Variants in B3GAT2 observed in about 807,000 individuals in gnomAD.
The protein encoded by B3GAT2 is galactosylgalactosylxylosylprotein 3-beta-glucuronosyltransferase 2.
B3GAT2 carries 26 observed loss-of-function variants against 27.8 expected under a neutral mutation model. The ratio of observed to expected loss-of-function variants is 0.93; its 90% CI spans 0.68 to 1.30. B3GAT2 has a LOEUF of 1.30. Among genes scored for constraint, B3GAT2 ranks in the 50% most tolerant of loss-of-function variants. The pLI is 0.00. For synonymous variants in B3GAT2, 218 were observed against 195.1 expected (o/e 1.12, Z -0.98); for missense variants, 458 against 459.0 (o/e 1.00, Z 0.02).
Position 70,926,819 on chromosome 6 carries a change from C to T in B3GAT2, c.591+29020G>A, listed in dbSNP as rs541512164. Among the ~76,000 whole-genome samples, 185 of 152,268 alleles carry T rather than the reference C, an allele frequency of 1.2e-3. 2 individuals carry two copies. Among genetic ancestry groups the T allele is most frequent in the African/African-American group, 4.3e-3 (179 of 41,540 alleles). The stretch of plus-strand genomic sequence containing the variant: ...GGCCAACATTCAAATTCAGGAAATA[C>T]ACAGAACGCCACAAAGATACTCCTC... On this transcript the variant is annotated intron_variant, in intron 1 of 3. Coordinates refer to ENST00000230053, the MANE Select transcript of B3GAT2 (RefSeq NM_080742.3).
rs764758181 is a variant in B3GAT2 at position 70,956,336 on chromosome 6, G to A, written c.94C>T (p.Pro32Ser). 5.1e-6 allele frequency: 8 copies of A among 1,574,538 alleles called. No homozygotes were observed. Among genetic ancestry groups the A allele is most frequent in the South Asian group, 4.6e-5 (4 of 86,882 alleles). ...MLDVDTRRPV[P>S]PLTPRPYFSP... ...AAGTAGGGGCGCGGGGTGAGCGGGG[G>A]CACTGGCCTGCGCGTGTCCACGTCG... The change falls in exon 1 of 4, where the codon CCC (proline) becomes TCC (serine). Residue 32 changes from proline (P) to serine (S), a missense_variant. Pro to Ser is a moderately conservative substitution (Grantham distance 74). Coordinates refer to ENST00000230053, the MANE Select transcript of B3GAT2 (RefSeq NM_080742.3).
intron 2 of B3GAT2, among the ~76,000 whole-genome samples, chr6:70,867,764 A>G (rs1411221049): frequency 1.3e-5 from 2 of 152,172 alleles, no homozygotes; most frequent in Non-Finnish European, 2.9e-5. Context: ...GCAATTCTAC[A>G]TGAATTTTTC....
intron 1 of B3GAT2, among the ~76,000 whole-genome samples, chr6:70,919,312 T>C (rs1048774979): frequency 1.3e-5 from 2 of 152,224 alleles, no homozygotes; most frequent in Non-Finnish European, 2.9e-5. Flanking sequence ...TAGCATTTTT[T>C]CAAGGTTTTT....
chr6:70,943,874 T>C (rs1162125454), intron 1 of B3GAT2, among the ~76,000 whole-genome samples: 1 of 152,098 alleles, frequency 6.6e-6, no homozygotes. Flanking sequence ...ATTTAGAAGA[T>C]CAACTGCAAC....
rs539712508 is a variant in B3GAT2, at chr6:70,894,533, C to T, written c.592-261G>A. ...AAAATGGTTGTCAATATCTGGACAT[C>T]GCTGATTTGAAGCTAAGTTGCAACT... On this transcript the variant is annotated intron_variant, in intron 1 of 3. Coordinates refer to ENST00000230053, the MANE Select transcript of B3GAT2 (RefSeq NM_080742.3). Among the ~76,000 whole-genome samples the T allele has an allele frequency of 6.9e-4, 105 of 152,272 alleles. 2 individuals carry two copies. The South Asian group carries it at 0.021, about 31-fold the overall frequency.
chr6:70,920,105 C>T (rs549829525), intron 1 of B3GAT2, among the ~76,000 whole-genome samples: 10 of 151,782 alleles, frequency 6.6e-5, no homozygotes, highest in East Asian at 1.9e-4. Flanking sequence ...AGCATAGAAC[C>T]GCTTACTCAA....
chr6:70,937,292 G>C (rs1275127826), intron 1 of B3GAT2, among the ~76,000 whole-genome samples: 5 of 151,098 alleles, frequency 3.3e-5, no homozygotes, highest in African/African-American at 1.2e-4. Context: ...TCCAGGACCA[G>C]ATGGATTCAC....
In B3GAT2 at chr6:70,918,801, G is replaced by A. The variant is rs577366643; in HGVS notation, c.592-24529C>T. On this transcript the variant is annotated intron_variant, in intron 1 of 3. Coordinates refer to ENST00000230053, the MANE Select transcript of B3GAT2 (RefSeq NM_080742.3). ...ATGGGCTTCCCTTTGTGGGTAACCC[G>A]ACCTTTCTCTCTGGCTGCCCTTAAC... Among the ~76,000 whole-genome samples, 866 of 152,252 alleles carry A rather than the reference G, an allele frequency of 5.7e-3. 5 individuals carry two copies. The highest frequency in any genetic ancestry group is 0.041 in the Middle Eastern group (12 of 294).
Position 70,956,608 on chromosome 6 carries a change from G to C in B3GAT2, c.-179C>G, listed in dbSNP as rs1441155960. 9 of 1,433,362 alleles carry C rather than the reference G, an allele frequency of 6.3e-6. No individual in the cohort carries two copies. The highest frequency in any genetic ancestry group is 8.2e-6 in the Non-Finnish European group (9 of 1,100,320). The allele number at this position is 1,433,362 out of a possible 1,614,324, so 88.8% of individuals were successfully genotyped here. A position where few individuals can be genotyped will look rare whatever the true frequency, so the allele number is the denominator to read the frequency against. On this transcript the variant is annotated 5_prime_UTR_variant, in exon 1 of 4. Transcript: ENST00000230053. Reference sequence around the variant, plus strand: ...GGGCTCACTACCTGGGCGTGGAGGAGCGGCAGGTTCGCGCAAGCTAGAGCG... The same window carrying C: ...GGGCTCACTACCTGGGCGTGGAGGACCGGCAGGTTCGCGCAAGCTAGAGCG...
At chr6:70,881,126 T>C (rs1399580911) in intron 2 of B3GAT2, among the ~76,000 whole-genome samples, 1 of 152,212 alleles carries the variant, frequency 6.6e-6, no homozygotes, top group Non-Finnish European at 1.5e-5. Flanking sequence ...CCAGGAGGGC[T>C]TTGGGATCCA....
At chr6:70,932,560 A>C (rs1179107283) in intron 1 of B3GAT2, among the ~76,000 whole-genome samples, 1 of 152,202 alleles carries the variant, frequency 6.6e-6, no homozygotes, top group Non-Finnish European at 1.5e-5. Flanking sequence ...ATATGGTATG[A>C]TTCCACTTAT....
At chr6:70,876,401 C>T (rs577609588) in intron 2 of B3GAT2, among the ~76,000 whole-genome samples, 10 of 152,118 alleles carry the variant, frequency 6.6e-5, no homozygotes, top group South Asian at 4.2e-4. Context: ...CGGGGAAGGA[C>T]GGTAGTTGAG....
In B3GAT2 at chr6:70,857,209, T is replaced by G. The variant is rs1257574986; in HGVS notation, c.*4454A>C. 3.9e-6 allele frequency: 2 copies of G among 515,444 alleles called. No individual in the cohort carries two copies. The allele number at this position is 515,444 out of a possible 1,614,324, so 31.9% of individuals were successfully genotyped here. On this transcript the variant is annotated 3_prime_UTR_variant, in exon 4 of 4. Coordinates refer to ENST00000230053, the MANE Select transcript of B3GAT2 (RefSeq NM_080742.3). The stretch of plus-strand genomic sequence containing the variant: ...ATTAGAATTAAAAAATTAAGAGGCA[T>G]GTACAGGATTCACAGAACTTTATTT...
chr6:70,915,956 T>C (rs1772766464), intron 1 of B3GAT2, among the ~76,000 whole-genome samples: 1 of 152,222 alleles, frequency 6.6e-6, no homozygotes, highest in Non-Finnish European at 1.5e-5. Flanking sequence ...GATAGCTTGA[T>C]AGGGATAGCA....
chr6:70,894,313 G>GAAAAAAAAAA, intron 1 of B3GAT2, 41 bp from the exon 2 acceptor site: 3 of 1,518,666 alleles, frequency 2.0e-6, no homozygotes, highest in Admixed American at 2.1e-5. Context: ...GTTTCCTTAG[G>GAAAAAAAAAA]AAAAAGAGGG....
At chr6:70,876,928 G>C (rs899927915) in intron 2 of B3GAT2, among the ~76,000 whole-genome samples, 1 of 152,184 alleles carries the variant, frequency 6.6e-6, no homozygotes, top group African/African-American at 2.4e-5. Context: ...GGGCTTTGGA[G>C]ACACTGAAAT....
chr6:70,946,887 G>C (rs1358431147), intron 1 of B3GAT2, among the ~76,000 whole-genome samples: 8 of 151,956 alleles, frequency 5.3e-5, no homozygotes, highest in Non-Finnish European at 1.5e-5. Flanking sequence ...CTGTCTCTCA[G>C]ACCACAGTGC....
rs1172854369 is a variant in B3GAT2, at chr6:70,861,962, AAGACTTAC to A, written c.745_752del (p.Val249SerfsTer12). On this transcript the variant is annotated frameshift_variant, in exon 3 of 4. Coordinates refer to ENST00000230053, the MANE Select transcript of B3GAT2 (RefSeq NM_080742.3). LOFTEE classifies it high-confidence loss of function. The stretch of plus-strand genomic sequence containing the variant: ...CTTTTGGATTGGACAAAATGACTTG[AAGACTTAC>A]AGCAAATCCTTTGTGAAAAATAAAA... 6.2e-7 allele frequency: 1 copy of A among 1,612,424 alleles called. No individual in the cohort carries two copies. The highest frequency in any genetic ancestry group is 1.1e-5 in the South Asian group (1 of 91,046).
chr6:70,882,733 C>G (rs1038494688), intron 2 of B3GAT2, among the ~76,000 whole-genome samples: 14 of 152,050 alleles, frequency 9.2e-5, no homozygotes, highest in Admixed American at 8.5e-4. Flanking sequence ...GGGCAAAGTC[C>G]AATATGACTG....
Sources: gnomAD v4.1 joint callset for allele counts (sites outside exome capture counted in the v4.1 genomes callset) on GRCh38, gnomAD v4.1.1 for gene constraint, MANE v1.5 for transcripts, NCBI Gene and HGNC (gene_info 2026-07-23, HGNC 2026-07-21) for gene names.